Variants in PLEKHG1 observed in about 807,000 individuals in gnomAD.
The protein encoded by PLEKHG1 is pleckstrin homology domain-containing family G member 1.
PLEKHG1 carries 44 observed loss-of-function variants against 100.8 expected under a neutral mutation model. That is an observed-to-expected ratio of 0.44 (90% CI 0.34 to 0.56). The LOEUF is 0.56. Among genes scored for constraint, PLEKHG1 ranks in the 20% least tolerant of loss-of-function variants. The pLI, the probability that PLEKHG1 is intolerant of heterozygous loss-of-function variation, is 0.01. For missense variants in PLEKHG1, 1,545 were observed against 1,720.9 expected (o/e 0.90, Z 1.81); for synonymous variants, 640 against 662.5 (o/e 0.97, Z 0.52).
chr6:150,808,328 G>T (rs1006107573), intron 7 of PLEKHG1, among the ~76,000 whole-genome samples: 1 of 152,128 alleles, frequency 6.6e-6, no homozygotes, highest in Non-Finnish European at 1.5e-5. Context: ...AATGATGTGG[G>T]TGATTTTATA....
chr6:150,757,165 T>G (rs951244981), intron 2 of PLEKHG1, among the ~76,000 whole-genome samples: 6 of 151,964 alleles, frequency 3.9e-5, no homozygotes, highest in African/African-American at 1.5e-4. Flanking sequence ...GCCGAGCAAT[T>G]TTGTTTTTGT....
chr6:150,659,150 T>C (rs1392052848), intron 3 of PLEKHG1, among the ~76,000 whole-genome samples: 1 of 148,490 alleles, frequency 6.7e-6, no homozygotes, highest in Non-Finnish European at 1.5e-5. Flanking sequence ...TCTCTCTCTC[T>C]CTTGTTTCTC....
chr6:150,656,025 G>A (rs1228745515), intron 3 of PLEKHG1, among the ~76,000 whole-genome samples: 5 of 151,888 alleles, frequency 3.3e-5, no homozygotes, highest in African/African-American at 9.7e-5. Flanking sequence ...GTAGCAGACC[G>A]ACATGGCACG....
chr6:150,635,803 C>T (rs932037905), intron 1 of PLEKHG1, among the ~76,000 whole-genome samples: 9 of 152,110 alleles, frequency 5.9e-5, no homozygotes, highest in Non-Finnish European at 8.8e-5. Context: ...CTTAAAAAAA[C>T]GAAACCTGAT....
At chr6:150,757,057 G>C (rs912215567) in intron 2 of PLEKHG1, among the ~76,000 whole-genome samples, 9 of 152,178 alleles carry the variant, frequency 5.9e-5, no homozygotes, top group Non-Finnish European at 7.3e-5. Context: ...CACCCAAGCT[G>C]GAGTGCAGTG....
At chr6:150,650,941 G>A (rs903851513) in intron 3 of PLEKHG1, 155 bp downstream of exon 2, 2 of 152,144 alleles carry the variant, frequency 1.3e-5, no homozygotes, top group Admixed American at 1.3e-4. Flanking sequence ...TATCTGTGGG[G>A]AATATGTTCC....
chr6:150,829,099 G>A (rs1776773215), intron 14 of PLEKHG1, among the ~76,000 whole-genome samples: 1 of 152,064 alleles, frequency 6.6e-6, no homozygotes. Flanking sequence ...ATTGACATGT[G>A]ATGAAAAGTT....
exon 16 of PLEKHG1, chr6:150,840,518 A>G (rs768474388): frequency 2.5e-6 from 4 of 1,614,062 alleles, no homozygotes; most frequent in Non-Finnish European, 3.4e-6. Flanking sequence ...TAAATGCCCA[A>G]ATTGCAACAC....
intron 2 of PLEKHG1, among the ~76,000 whole-genome samples, chr6:150,645,165 G>A (rs1224476616): frequency 6.6e-6 from 1 of 152,136 alleles, no homozygotes; most frequent in African/African-American, 2.4e-5. Flanking sequence ...CTTGAAACAG[G>A]CCCACATTTA....
chr6:150,764,415 G>C (rs9371470), intron 2 of PLEKHG1, among the ~76,000 whole-genome samples: 9 of 152,190 alleles, frequency 5.9e-5, no homozygotes, highest in African/African-American at 2.2e-4. Flanking sequence ...CACTGCACCC[G>C]GCCCTGTTTT....
intron 13 of PLEKHG1, among the ~76,000 whole-genome samples, chr6:150,822,759 C>T (rs1054021609): frequency 6.6e-6 from 1 of 152,222 alleles, no homozygotes; most frequent in African/African-American, 2.4e-5. Context: ...GAGGGTGGAT[C>T]ACCTGAGGTC....
At chr6:150,745,079 A>AG (rs1783081979) in intron 2 of PLEKHG1, among the ~76,000 whole-genome samples, 1 of 152,224 alleles carries the variant, frequency 6.6e-6, no homozygotes, top group Admixed American at 6.5e-5. Flanking sequence ...GAGAAATGTC[A>AG]GGTGATTTTA....
chr6:150,790,838 G>A lies in PLEKHG1; in HGVS notation c.582+4379G>A, dbSNP rs527971446. 1.1e-4 allele frequency among the ~76,000 whole-genome samples: 17 copies of A among 152,000 alleles called. No individual in the cohort carries two copies. In the South Asian group the frequency reaches 3.1e-3, roughly 28 times the overall value. On this transcript the variant is annotated intron_variant, in intron 4 of 15. Transcript: ENST00000358517. Reference sequence around the variant, plus strand: ...GGAGTTCAAGATCAGCTTGACCAACGTGATGAAACCCCATCTCTACTAAAA... The same window carrying A: ...GGAGTTCAAGATCAGCTTGACCAACATGATGAAACCCCATCTCTACTAAAA...
chr6:150,700,300 T>A (rs1780718194), intron 3 of PLEKHG1, among the ~76,000 whole-genome samples: 1 of 152,118 alleles, frequency 6.6e-6, no homozygotes. Flanking sequence ...ACTGAGGAAG[T>A]CACTAATTCC....
At chr6:150,612,045 T>TTTC (rs1491263507) in intron 1 of PLEKHG1, among the ~76,000 whole-genome samples, 2 of 77,188 alleles carry the variant, frequency 2.6e-5, no homozygotes, top group South Asian at 5.9e-4. Context: ...CTGGTGTTGT[T>TTTC]CCCCCCCCCC....
chr6:150,602,423 C>T (rs1053200523), intron 1 of PLEKHG1, among the ~76,000 whole-genome samples: 2 of 152,196 alleles, frequency 1.3e-5, no homozygotes, highest in Non-Finnish European at 2.9e-5. Flanking sequence ...AATTAGCCTA[C>T]TTGTGTGATG....
intron 3 of PLEKHG1, among the ~76,000 whole-genome samples, chr6:150,769,621 G>C (rs35631181): frequency 0.09 from 13,108 of 145,934 alleles, 660 homozygotes; most frequent in Middle Eastern, 0.22. Flanking sequence ...AAAAGAAAAA[G>C]AAAAACATAA....
chr6:150,801,437 CTTTT>C (rs35282307), intron 6 of PLEKHG1, among the ~76,000 whole-genome samples: 9 of 108,786 alleles, frequency 8.3e-5, no homozygotes, highest in Admixed American at 1.0e-4. Flanking sequence ...CTTTTCTTTT[CTTTT>C]TTTTTTTTTT....
At chr6:150,836,641 A>G (rs803404) in intron 15 of PLEKHG1, among the ~76,000 whole-genome samples, 46,625 of 151,854 alleles carry the variant, frequency 0.31, 7,941 homozygotes, top group Non-Finnish European at 0.39. Context: ...ACATAGCAAG[A>G]CTTTCTCTCT....
Sources: allele counts gnomAD v4.1 joint callset (sites outside exome capture counted in the v4.1 genomes callset), GRCh38; gene constraint gnomAD v4.1.1; transcripts MANE v1.5; gene names NCBI Gene and HGNC (gene_info 2026-07-23, HGNC 2026-07-21).